C4orf50: variants seen among roughly 807,000 people sequenced by gnomAD.
C4orf50 encodes the protein uncharacterized protein C4orf50.
C4orf50 carries 80 observed loss-of-function variants against 77.2 expected under a neutral mutation model. The ratio of observed to expected loss-of-function variants is 1.04; its 90% CI spans 0.87 to 1.25. The LOEUF is 1.25. Among genes scored for constraint, C4orf50 ranks in the 50% most tolerant of loss-of-function variants. The probability of loss-of-function intolerance (pLI) is 0.00; values close to 1 mark genes in which losing one functional copy is unlikely to be tolerated. For missense variants in C4orf50, 1,257 were observed against 1,152.9 expected, an observed-to-expected ratio of 1.09 and a Z score of -1.31; for synonymous variants, 532 against 465.3, an observed-to-expected ratio of 1.14 and a Z score of -1.84.
rs1721323657 is a variant in C4orf50, at chr4:5,992,095, C to A, written c.1221+708G>T. On this transcript the variant is annotated intron_variant, in intron 27 of 33. Coordinates refer to ENST00000531445, the Ensembl canonical transcript of C4orf50. The surrounding 1 kb of genome is among the most constrained non-coding windows in gnomAD (Gnocchi z 5.0). ...GCCACCTCACCTGTCAAATGGGGCA[C>A]CTCCGTGTTCTAAGACATTGCCCTG... Among the ~76,000 whole-genome samples the A allele has an allele frequency of 6.6e-6, 1 of 152,202 alleles. No homozygotes were observed. Among genetic ancestry groups the A allele is most frequent in the Non-Finnish European group, 1.5e-5 (1 of 68,040 alleles).
intron 7 of C4orf50, among the ~76,000 whole-genome samples, chr4:5,913,596 C>T (rs1055402625): frequency 2.0e-5 from 3 of 152,198 alleles, no homozygotes; most frequent in East Asian, 1.9e-4. Flanking sequence ...ATTTCACTTT[C>T]GCTGTCCTTA....
At chr4:5,937,965 A>G (rs1302775669) in intron 7 of C4orf50, among the ~76,000 whole-genome samples, 2 of 152,240 alleles carry the variant, frequency 1.3e-5, no homozygotes, top group African/African-American at 2.4e-5. Flanking sequence ...CAGAATCGCC[A>G]TAGTTGGGTA....
At chr4:5,997,155 G>A (rs544547099) in intron 25 of C4orf50, among the ~76,000 whole-genome samples, 11 of 152,154 alleles carry the variant, frequency 7.2e-5, no homozygotes, top group Non-Finnish European at 1.5e-4. Flanking sequence ...AAAAGGGAGA[G>A]GCTGGGTAGG....
intron 32 of C4orf50, among the ~76,000 whole-genome samples, chr4:5,965,909 G>A (rs766334871): frequency 4.6e-5 from 7 of 152,182 alleles, no homozygotes; most frequent in Non-Finnish European, 8.8e-5. Context: ...CTAGTAATAA[G>A]AACCACTAGA....
rs33913636 is a variant in C4orf50, at chr4:5,910,907, CTTTTTTTT to C, written c.*2475-12727_*2475-12720del. Among the ~76,000 whole-genome samples, 272 of 106,566 alleles carry C rather than the reference CTTTTTTTT, an allele frequency of 2.6e-3. 3 individuals are homozygous for C. In the East Asian group the frequency reaches 0.062, roughly 24 times the overall value. 69.9% of individuals were successfully genotyped at this position (106,566 alleles called of 152,430 possible). Reference sequence around the variant, plus strand: ...GCCAATGGGTTTCTTCCCTTTCTTTCTTTTTTTTTTTTTTTTTTTTGAGACGGAGTCTC... The same window carrying C: ...GCCAATGGGTTTCTTCCCTTTCTTTCTTTTTTTTTTTTGAGACGGAGTCTC... On this transcript the variant is annotated intron_variant, in intron 7 of 7. Coordinates refer to the C4orf50 transcript ENST00000324058.
At chr4:6,013,834 C>T (rs1398529898) in intron 23 of C4orf50, among the ~76,000 whole-genome samples, 1 of 152,166 alleles carries the variant, frequency 6.6e-6, no homozygotes, top group African/African-American at 2.4e-5. Context: ...GCTCGACTAG[C>T]TCAGGAAGAC....
In C4orf50 at chr4:6,009,280, G is replaced by T. The variant is rs375684980; in HGVS notation, c.427-748C>A. On this transcript the variant is annotated intron_variant, in intron 24 of 33. Transcript: ENST00000531445. This position sits in a 1 kb window ranked among gnomAD's most constrained non-coding sequence, Gnocchi z 5.6. ...ACAACCCACTGCGAAAATTAGAGCC[G>T]TTGCCTACTTTTCAGAATTAATTCA... is the stretch of plus-strand genomic sequence containing the variant. Among the ~76,000 whole-genome samples, 1 of 152,180 alleles carries T rather than the reference G, an allele frequency of 6.6e-6. No individual in the cohort carries two copies. Among genetic ancestry groups the T allele is most frequent in the Non-Finnish European group, 1.5e-5 (1 of 68,034 alleles).
At chr4:5,998,401 GGA>G (rs1026262552) in intron 25 of C4orf50, among the ~76,000 whole-genome samples, 2 of 152,096 alleles carry the variant, frequency 1.3e-5, no homozygotes, top group African/African-American at 4.8e-5. Flanking sequence ...GCTTGCTGCT[GGA>G]GAGAGAAACA....
chr4:5,994,479 G>A lies in C4orf50; in HGVS notation c.964-3C>T, dbSNP rs1466970660. On this transcript the variant is annotated splice_region_variant and splice_polypyrimidine_tract_variant and intron_variant, in intron 25 of 33. Transcript: ENST00000531445. ...CCCTGAACACAGCCCAGAGCATCCT[G>A]GAGGAAGACAGAGGAAGTCAGGAGC... 1.0e-5 allele frequency: 4 copies of A among 399,094 alleles called. No homozygotes were observed. The highest frequency in any genetic ancestry group is 1.8e-5 in the Non-Finnish European group (4 of 226,278). The allele number at this position is 399,094 out of a possible 1,614,324, so 24.7% of individuals were successfully genotyped here.
At chr4:5,923,547 A>G (rs1171933934) in intron 7 of C4orf50, among the ~76,000 whole-genome samples, 3 of 152,050 alleles carry the variant, frequency 2.0e-5, no homozygotes, top group Non-Finnish European at 4.4e-5. Flanking sequence ...AATGATAGAA[A>G]GGAGGCAGAA....
intron 25 of C4orf50, among the ~76,000 whole-genome samples, chr4:5,998,379 T>TA (rs1721688602): frequency 1.3e-5 from 2 of 152,340 alleles, no homozygotes; most frequent in East Asian, 1.9e-4. Flanking sequence ...TGCTTTTTTT[T>TA]TAAAAGCTCT....
intron 28 of C4orf50, among the ~76,000 whole-genome samples, chr4:5,982,119 C>G (rs1201788052): frequency 6.6e-6 from 1 of 152,026 alleles, no homozygotes; most frequent in East Asian, 1.9e-4. Context: ...GTGTTAAGAA[C>G]AGATGGGTGC....
chr4:5,975,954 A>G, exon 30 of C4orf50: 1 of 1,613,660 alleles, frequency 6.2e-7, no homozygotes. Flanking sequence ...AAGTTCTTCA[A>G]GCTGAAATAA....
intron 7 of C4orf50, among the ~76,000 whole-genome samples, chr4:5,918,013 G>A (rs1717107048): frequency 6.6e-6 from 1 of 152,172 alleles, no homozygotes; most frequent in East Asian, 1.9e-4. Flanking sequence ...TGATTCTAGG[G>A]CCCCGAGGGT....
At chr4:5,946,445 AAAT>A (rs1718487052) in intron 7 of C4orf50, among the ~76,000 whole-genome samples, 2 of 152,218 alleles carry the variant, frequency 1.3e-5, no homozygotes, top group Non-Finnish European at 2.9e-5. Flanking sequence ...TAAGTGTTAG[AAAT>A]AATAGTTTCT....
At chr4:6,004,296 TG>T (rs1198428890) in intron 25 of C4orf50, among the ~76,000 whole-genome samples, 7 of 64,526 alleles carry the variant, frequency 1.1e-4, no homozygotes, top group Admixed American at 1.9e-4. Context: ...TTGGTGATGA[TG>T]GTGATGGTGG....
chr4:5,959,559 C>T (rs972439164), exon 34 of C4orf50: 1 of 1,614,132 alleles, frequency 6.2e-7, no homozygotes, highest in Non-Finnish European at 8.5e-7. Flanking sequence ...TGCGGGGAGA[C>T]CTGGTTCCAC....
chr4:5,964,444 G>T (rs1355025273), intron 33 of C4orf50, among the ~76,000 whole-genome samples: 1 of 151,786 alleles, frequency 6.6e-6, no homozygotes, highest in East Asian at 1.9e-4. Context: ...TGTCATCAAG[G>T]TTTTCATACA....
chr4:5,914,912 C>T lies in C4orf50; in HGVS notation c.*2475-16724G>A, dbSNP rs1716968057. Reference sequence around the variant, plus strand: ...AAGGTGCCATCTCATAGTCTATTTCCCTACTAGGATAAATTCTCCTGTATT... The same window carrying T: ...AAGGTGCCATCTCATAGTCTATTTCTCTACTAGGATAAATTCTCCTGTATT... On this transcript the variant is annotated intron_variant, in intron 7 of 7. Transcript: ENST00000324058. Among the ~76,000 whole-genome samples, 3 of 152,182 alleles carry T rather than the reference C, an allele frequency of 2.0e-5. No individual in the cohort carries two copies. The South Asian group carries it at 6.2e-4, about 32-fold the overall frequency.
Sources: allele counts gnomAD v4.1 joint callset (sites outside exome capture counted in the v4.1 genomes callset), GRCh38; gene constraint gnomAD v4.1.1; non-coding constraint Gnocchi (gnomAD v3.1); transcripts MANE v1.5; gene names NCBI Gene and HGNC (gene_info 2026-07-23, HGNC 2026-07-21).